Variants in NXPH1 observed in about 807,000 individuals in gnomAD.
The protein encoded by NXPH1 is neurexophilin 1, also known as neurexophilin-1.
Under a neutral mutation model 23.7 loss-of-function variants are expected in NXPH1, and 5 were observed. The ratio of observed to expected loss-of-function variants is 0.21; its 90% CI spans 0.11 to 0.44. The LOEUF is 0.44. NXPH1 is among the 20% of genes least tolerant of loss of function. NXPH1 has a pLI of 0.99. For synonymous variants in NXPH1, 144 were observed against 122.2 expected, an observed-to-expected ratio of 1.18 and a Z score of -1.18; for missense variants, 324 against 321.6, an observed-to-expected ratio of 1.01 and a Z score of -0.06.
At chr7:8,713,531 A>T (rs541041696) in intron 2 of NXPH1, among the ~76,000 whole-genome samples, 2 of 151,012 alleles carry the variant, frequency 1.3e-5, no homozygotes, top group African/African-American at 2.4e-5. Context: ...CTACCTGGGC[A>T]TTGAAGACTG....
intron 2 of NXPH1, among the ~76,000 whole-genome samples, chr7:8,673,867 GCATTGAATATCTT>G (rs1462691823): frequency 2.0e-5 from 3 of 151,710 alleles, no homozygotes; most frequent in Non-Finnish European, 2.9e-5. Flanking sequence ...CATGGATTGA[GCATTGAATATCTT>G]CACAGACTAG....
rs752198705 is a variant in NXPH1, at chr7:8,751,715, A to G, written c.762A>G (p.Lys254=). ...FYSTDYKLVQ[K]VCPDYNYHSD... is the part of the protein sequence containing the mutation. Reference sequence around the variant, plus strand: ...GTACAGATTATAAACTGGTACAGAAAGTGTGCCCTGACTACAACTACCACA... The same window carrying G: ...GTACAGATTATAAACTGGTACAGAAGGTGTGCCCTGACTACAACTACCACA... The change falls in exon 3 of 3, where the codon AAA becomes AAG. Residue 254 remains lysine, a synonymous_variant. Coordinates refer to ENST00000405863, the MANE Select transcript of NXPH1 (RefSeq NM_152745.3). The surrounding 1 kb of genome is among the most constrained non-coding windows in gnomAD (Gnocchi z 4.5). The G allele has an allele frequency of 1.9e-6, 3 of 1,612,938 alleles. No individual in the cohort carries two copies. The South Asian group carries it at 3.3e-5, about 18-fold the overall frequency.
chr7:8,661,431 G>T (rs535845668), intron 2 of NXPH1, among the ~76,000 whole-genome samples: 8 of 152,152 alleles, frequency 5.3e-5, no homozygotes, highest in African/African-American at 1.4e-4. Context: ...AAGCTTGTCC[G>T]ACCCACCTTA....
At chr7:8,728,628 T>G (rs1328618104) in intron 2 of NXPH1, among the ~76,000 whole-genome samples, 3 of 151,756 alleles carry the variant, frequency 2.0e-5, no homozygotes, top group Non-Finnish European at 4.4e-5. Flanking sequence ...TCTGTTTATA[T>G]GCTGGATTAC....
rs553591759 is a variant in NXPH1, at chr7:8,585,096, C to G, written c.54+149329C>G. Among the ~76,000 whole-genome samples, 324 of 152,308 alleles carry G rather than the reference C, an allele frequency of 2.1e-3. 3 individuals carry two copies. The highest frequency in any genetic ancestry group is 7.4e-3 in the African/African-American group (309 of 41,574). ...TGGCCTACCTAATATTTTTACTGCT[C>G]TCTTTTCATTGGGAAATATCAGTAA... On this transcript the variant is annotated intron_variant, in intron 2 of 2. Coordinates refer to ENST00000405863, the MANE Select transcript of NXPH1 (RefSeq NM_152745.3).
chr7:8,506,948 A>G (rs1169764158), intron 2 of NXPH1, among the ~76,000 whole-genome samples: 2 of 151,942 alleles, frequency 1.3e-5, no homozygotes, highest in East Asian at 1.9e-4. Flanking sequence ...CAGTGTGTGT[A>G]TTTTCATGAG....
intron 2 of NXPH1, among the ~76,000 whole-genome samples, chr7:8,605,670 A>G (rs1819471126): frequency 6.6e-6 from 1 of 152,102 alleles, no homozygotes; most frequent in African/African-American, 2.4e-5. Context: ...CAAAATACCA[A>G]TTTTGCCTAC....
chr7:8,666,956 T>A (rs1403839120), intron 2 of NXPH1, among the ~76,000 whole-genome samples: 2 of 152,062 alleles, frequency 1.3e-5, no homozygotes, highest in African/African-American at 4.8e-5. Flanking sequence ...TCTTTTAATT[T>A]TTTTGTTCAT....
chr7:8,519,991 CTATCTCCATCATAATGTTTATAAAAAAT>C (rs1441834128), intron 2 of NXPH1, among the ~76,000 whole-genome samples: 3 of 152,042 alleles, frequency 2.0e-5, no homozygotes, highest in Non-Finnish European at 4.4e-5. Flanking sequence ...GTGTTTTTCA[CTATCTCCATCATAATGTTTATAAAAAAT>C]TATTTATATA....
At chr7:8,634,665 GTTTTTTTTTTTTTTTTTT>G (rs144810873) in intron 2 of NXPH1, among the ~76,000 whole-genome samples, 1 of 95,684 alleles carries the variant, frequency 1.0e-5, no homozygotes, top group Admixed American at 1.3e-4. Context: ...GTCCAGAAGA[GTTTTTTTTTTTTTTTTTT>G]TTTTTTTTTT....
chr7:8,512,113 A>G (rs1817621971), intron 2 of NXPH1, among the ~76,000 whole-genome samples: 1 of 152,138 alleles, frequency 6.6e-6, no homozygotes, highest in African/African-American at 2.4e-5. Flanking sequence ...GAAGGAGATG[A>G]CAGGAAGGAA....
intron 2 of NXPH1, among the ~76,000 whole-genome samples, chr7:8,657,304 A>G (rs1820598593): frequency 6.6e-6 from 1 of 152,234 alleles, no homozygotes; most frequent in Non-Finnish European, 1.5e-5. Flanking sequence ...AATTGAGAGG[A>G]ATCATTGTAG....
At chr7:8,727,322 A>G (rs62446354) in intron 2 of NXPH1, among the ~76,000 whole-genome samples, 10 of 136,088 alleles carry the variant, frequency 7.3e-5, no homozygotes, top group Non-Finnish European at 1.1e-4. Context: ...CTTTTGCTGT[A>G]CAGAAGCTCT....
At chr7:8,671,627 T>C (rs1477492173) in intron 2 of NXPH1, among the ~76,000 whole-genome samples, 2 of 152,114 alleles carry the variant, frequency 1.3e-5, no homozygotes, top group Non-Finnish European at 2.9e-5. Context: ...TTGAGGTCAT[T>C]TTAGGTCTTG....
At chr7:8,458,106 G>C (rs1816632088) in intron 2 of NXPH1, among the ~76,000 whole-genome samples, 1 of 152,224 alleles carries the variant, frequency 6.6e-6, no homozygotes, top group Non-Finnish European at 1.5e-5. Flanking sequence ...GTTAGTGCTA[G>C]TGCAATTGAG....
chr7:8,462,483 G>GA lies in NXPH1; in HGVS notation c.54+26722dup, dbSNP rs574175225. 3.7e-3 allele frequency among the ~76,000 whole-genome samples: 568 copies of GA among 152,302 alleles called. 4 individuals carry two copies. The highest frequency in any genetic ancestry group is 3.7e-3 in the Non-Finnish European group (250 of 68,016). On this transcript the variant is annotated intron_variant, in intron 2 of 2. Coordinates refer to ENST00000405863, the MANE Select transcript of NXPH1 (RefSeq NM_152745.3). ...GCTATTGTCATCACTGAGAAATGGA[G>GA]AAAAAACTGAAGGATACAGAGGTCA...
intron 2 of NXPH1, among the ~76,000 whole-genome samples, chr7:8,449,553 C>A (rs753472070): frequency 1.3e-5 from 2 of 152,098 alleles, no homozygotes; most frequent in African/African-American, 2.4e-5. Flanking sequence ...TTAATATGCT[C>A]ATGCTAGTGA....
intron 2 of NXPH1, among the ~76,000 whole-genome samples, chr7:8,469,452 A>G (rs893176043): frequency 1.3e-5 from 2 of 152,026 alleles, no homozygotes; most frequent in African/African-American, 4.8e-5. Context: ...ATCAACTAGG[A>G]TCTAATGACA....
intron 2 of NXPH1, among the ~76,000 whole-genome samples, chr7:8,605,115 C>T (rs939766266): frequency 6.6e-6 from 1 of 152,002 alleles, no homozygotes; most frequent in African/African-American, 2.4e-5. Context: ...CAGATTCATT[C>T]TTAATTACTA....
Sources: gnomAD v4.1 joint callset for allele counts (sites outside exome capture counted in the v4.1 genomes callset) on GRCh38, gnomAD v4.1.1 for gene constraint, Gnocchi (gnomAD v3.1) non-coding constraint, MANE v1.5 for transcripts, NCBI Gene and HGNC (gene_info 2026-07-23, HGNC 2026-07-21) for gene names.